The following TEAD1 variants were observed in gnomAD, a reference collection of about 807,000 sequenced individuals.
The protein encoded by TEAD1 is TEA domain transcription factor 1, also known as transcriptional enhancer factor TEF-1.
Under a neutral mutation model 54.9 loss-of-function variants are expected in TEAD1, and 9 were observed. The ratio of observed to expected loss-of-function variants is 0.16; its 90% CI spans 0.10 to 0.29. The LOEUF is 0.29. Ranked by LOEUF, TEAD1 falls within the 10% of genes least tolerant of loss-of-function variation. The pLI is 1.00. For synonymous variants in TEAD1, 200 were observed against 187.8 expected (o/e 1.07, Z -0.53); for missense variants, 387 against 535.9 (o/e 0.72, Z 2.74).
chr11:12,823,887 T>C (rs2134007242), intron 3 of TEAD1, among the ~76,000 whole-genome samples: 1 of 152,234 alleles, frequency 6.6e-6, no homozygotes, highest in South Asian at 2.1e-4. Context: ...GGATGTAAAC[T>C]GAAGAGTTCC....
intron 3 of TEAD1, among the ~76,000 whole-genome samples, chr11:12,856,245 C>T (rs1168415972): frequency 1.3e-5 from 2 of 151,768 alleles, no homozygotes; most frequent in East Asian, 3.9e-4. Context: ...GTTGAGCCAC[C>T]TGAGAAAGGG....
chr11:12,781,123 A>G (rs1339035401), intron 3 of TEAD1, among the ~76,000 whole-genome samples: 2 of 152,374 alleles, frequency 1.3e-5, no homozygotes, highest in East Asian at 1.9e-4. Flanking sequence ...TCAACAAATG[A>G]TGCTGAGACA....
rs531050057 is a variant in TEAD1, at chr11:12,930,480, C to T, written c.1167+154C>T. On this transcript the variant is annotated intron_variant, in intron 12 of 12. Transcript: ENST00000527636. ...AGTGGTCAGTCAGCAGTTGAATTTG[C>T]ATCATCCATAGGGAAAACTTGGGCT... Among the ~76,000 whole-genome samples, 7 of 152,284 alleles carry T rather than the reference C, an allele frequency of 4.6e-5. No individual in the cohort carries two copies. The East Asian group carries it at 7.7e-4, about 17-fold the overall frequency.
At chr11:12,747,819 G>T (rs577741982) in intron 2 of TEAD1, among the ~76,000 whole-genome samples, 4 of 152,314 alleles carry the variant, frequency 2.6e-5, no homozygotes, top group Admixed American at 2.6e-4. Context: ...TAATGTTCCA[G>T]TTTTCATGAA....
At chr11:12,822,042 C>T (rs1946562579) in intron 3 of TEAD1, among the ~76,000 whole-genome samples, 1 of 141,880 alleles carries the variant, frequency 7.0e-6, no homozygotes, top group South Asian at 2.3e-4. Flanking sequence ...CCGCTCACTG[C>T]AAGCTCCGCC....
chr11:12,677,266 A>G (rs1943115367), intron 2 of TEAD1, among the ~76,000 whole-genome samples: 1 of 151,564 alleles, frequency 6.6e-6, no homozygotes, highest in Non-Finnish European at 1.5e-5. Context: ...AGCCAGACTG[A>G]TAGGAATTTC....
At chr11:12,875,338 T>TA (rs763508338) in intron 5 of TEAD1, among the ~76,000 whole-genome samples, 10 of 152,142 alleles carry the variant, frequency 6.6e-5, no homozygotes, top group South Asian at 2.1e-4. Flanking sequence ...GTCTGACACT[T>TA]AGAGTTATTT....
intron 2 of TEAD1, among the ~76,000 whole-genome samples, chr11:12,687,909 A>G (rs904063984): frequency 6.6e-6 from 1 of 152,018 alleles, no homozygotes; most frequent in South Asian, 2.1e-4. Context: ...AATCCAAACT[A>G]TTCTCTAGGT....
chr11:12,789,749 G>A (rs1218809211), intron 3 of TEAD1, among the ~76,000 whole-genome samples: 3 of 152,236 alleles, frequency 2.0e-5, no homozygotes, highest in Admixed American at 2.0e-4. Context: ...GTGGAAGCCC[G>A]AGCTCAGTTG....
At chr11:12,732,047 A>G (rs1046175326) in intron 2 of TEAD1, among the ~76,000 whole-genome samples, 3 of 151,828 alleles carry the variant, frequency 2.0e-5, no homozygotes, top group African/African-American at 4.8e-5. Context: ...TAAGTCTCTC[A>G]TATGATCTTC....
At chr11:12,751,932 A>G (rs866581348) in intron 2 of TEAD1, among the ~76,000 whole-genome samples, 1 of 152,340 alleles carries the variant, frequency 6.6e-6, no homozygotes, top group South Asian at 2.1e-4. Context: ...GGAAAGGCCA[A>G]TGGCTTGACC....
intron 5 of TEAD1, among the ~76,000 whole-genome samples, chr11:12,867,921 G>C (rs548119402): frequency 6.6e-6 from 1 of 152,316 alleles, no homozygotes; most frequent in South Asian, 2.1e-4. Flanking sequence ...CCTGGAGCAG[G>C]TGGCTGGTGG....
At chr11:12,693,802 A>G (rs1310788399) in intron 2 of TEAD1, among the ~76,000 whole-genome samples, 1 of 152,214 alleles carries the variant, frequency 6.6e-6, no homozygotes, top group Non-Finnish European at 1.5e-5. Flanking sequence ...TATCTTATCC[A>G]TGAATCATGA....
chr11:12,798,016 A>G (rs962524239), intron 3 of TEAD1, among the ~76,000 whole-genome samples: 6 of 152,148 alleles, frequency 3.9e-5, no homozygotes, highest in Admixed American at 2.6e-4. Flanking sequence ...CATCCCTGCA[A>G]TGGAAATTAA....
At chr11:12,749,550 G>A (rs988614580) in intron 2 of TEAD1, among the ~76,000 whole-genome samples, 1 of 152,196 alleles carries the variant, frequency 6.6e-6, no homozygotes, top group South Asian at 2.1e-4. Flanking sequence ...TCAGAGGGGA[G>A]GGGGAGGAGA....
chr11:12,842,306 C>CT (rs1457452281), intron 3 of TEAD1, among the ~76,000 whole-genome samples: 1 of 152,174 alleles, frequency 6.6e-6, no homozygotes, highest in African/African-American at 2.4e-5. Context: ...ATTGAAAACC[C>CT]TTACACTGTT....
chr11:12,741,764 CAAGGCTCTCATCCTTGCAGTTGT>C (rs1231593875), intron 2 of TEAD1, among the ~76,000 whole-genome samples: 1 of 152,146 alleles, frequency 6.6e-6, no homozygotes, highest in Non-Finnish European at 1.5e-5. Context: ...CTTGCAGTAG[CAAGGCTCTCATCCTTGCAGTTGT>C]GGTTCTGGGA....
intron 3 of TEAD1, among the ~76,000 whole-genome samples, chr11:12,846,913 C>A (rs1436594132): frequency 1.3e-5 from 2 of 152,212 alleles, no homozygotes. Flanking sequence ...CAGTCTGTCT[C>A]AGCTGTGCTT....
intron 2 of TEAD1, among the ~76,000 whole-genome samples, chr11:12,724,767 C>T (rs1478519108): frequency 6.6e-6 from 1 of 152,188 alleles, no homozygotes; most frequent in African/African-American, 2.4e-5. Flanking sequence ...CCCATCCTCT[C>T]CCTGCCCTCT....
Sources: gnomAD v4.1 joint callset for allele counts (sites outside exome capture counted in the v4.1 genomes callset) on GRCh38, gnomAD v4.1.1 for gene constraint, MANE v1.5 for transcripts, NCBI Gene and HGNC (gene_info 2026-07-23, HGNC 2026-07-21) for gene names.